Variants in CRTAC1 observed in about 807,000 individuals in gnomAD.
CRTAC1 encodes the protein acidic secreted protein in cartilage.
Under a neutral mutation model 67.8 loss-of-function variants are expected in CRTAC1, and 37 were observed. The ratio of observed to expected loss-of-function variants is 0.55; its 90% CI spans 0.42 to 0.72. The LOEUF (loss-of-function observed/expected upper bound fraction) is 0.72, where lower values mean the gene tolerates loss of function less well. CRTAC1 is among the 30% of genes least tolerant of loss of function. The pLI is 0.00. For missense variants in CRTAC1, 780 were observed against 931.6 expected, an observed-to-expected ratio of 0.84 and a Z score of 2.12; for synonymous variants, 348 against 371.0, an observed-to-expected ratio of 0.94 and a Z score of 0.71.
intron 14 of CRTAC1, chr10:97,868,252 A>T (rs2050050970): frequency 6.6e-6 from 1 of 152,286 alleles, no homozygotes; most frequent in African/African-American, 2.4e-5. Flanking sequence ...TAGAGCTGGC[A>T]GGGGATTTAA....
intron 2 of CRTAC1, among the ~76,000 whole-genome samples, chr10:97,986,715 GACA>G (rs1413908834): frequency 2.6e-5 from 4 of 152,138 alleles, no homozygotes; most frequent in African/African-American, 4.8e-5. Flanking sequence ...GCTACAAGAT[GACA>G]ACAATTTCAT....
rs555605760 is a variant in CRTAC1, at chr10:98,017,611, G to A, written c.25-6274C>T. On this transcript the variant is annotated intron_variant, in intron 1 of 14. Coordinates refer to ENST00000370597, the MANE Select transcript of CRTAC1 (RefSeq NM_018058.7). ...TGCAGTAGCATGATCATAGCTCACTGCACTCTCAAACTCCTGGGCTCAAGC... is the reference window on the plus strand; with the variant it reads ...TGCAGTAGCATGATCATAGCTCACTACACTCTCAAACTCCTGGGCTCAAGC... Among the ~76,000 whole-genome samples, 104 of 152,082 alleles carry A rather than the reference G, an allele frequency of 6.8e-4. 1 individual carries two copies. Among genetic ancestry groups the A allele is most frequent in the African/African-American group, 2.5e-3 (103 of 41,482 alleles).
In CRTAC1 at chr10:97,950,846, A is replaced by G. The variant is rs1291868578; in HGVS notation, c.225-14480T>C. Among the ~76,000 whole-genome samples, 5 of 152,212 alleles carry G rather than the reference A, an allele frequency of 3.3e-5. No individual in the cohort carries two copies. The East Asian group carries it at 7.7e-4, about 23-fold the overall frequency. ...AGATAGGACAAGGTGGAAGACAGTA[A>G]CTAGAGAGTGACACCCAGAGACCTT... is the stretch of plus-strand genomic sequence containing the variant. On this transcript the variant is annotated intron_variant, in intron 2 of 14. Transcript: ENST00000370597.
chr10:97,949,332 C>T (rs1196666580), intron 2 of CRTAC1, among the ~76,000 whole-genome samples: 1 of 152,344 alleles, frequency 6.6e-6, no homozygotes, highest in African/African-American at 2.4e-5. Context: ...ACAGACCCTG[C>T]ACCAGGAGGG....
At chr10:98,001,112 A>G (rs1176456434) in intron 2 of CRTAC1, among the ~76,000 whole-genome samples, 1 of 152,208 alleles carries the variant, frequency 6.6e-6, no homozygotes, top group Non-Finnish European at 1.5e-5. Context: ...GTTCACCAGG[A>G]AAATACAACT....
intron 4 of CRTAC1, among the ~76,000 whole-genome samples, chr10:97,918,168 G>T (rs1179844112): frequency 6.6e-6 from 1 of 152,090 alleles, no homozygotes; most frequent in Non-Finnish European, 1.5e-5. Context: ...CTCTGTTTTG[G>T]TAGCACGAGA....
chr10:98,001,351 C>A (rs576854474), intron 2 of CRTAC1, among the ~76,000 whole-genome samples: 1 of 152,074 alleles, frequency 6.6e-6, no homozygotes, highest in African/African-American at 2.4e-5. Flanking sequence ...TCTCTGTGAA[C>A]GCAAGCAGGT....
At position 97,982,155 on chromosome 10, in the gene CRTAC1, C is replaced by T. The variant is rs115082399; in HGVS notation, c.224+28983G>A. ...ACCTTATCTGATTTCATAAAAGCTT[C>T]TGACTCACTCAAATGATAGCTAGTG... On this transcript the variant is annotated intron_variant, in intron 2 of 14. Coordinates refer to ENST00000370597, the MANE Select transcript of CRTAC1 (RefSeq NM_018058.7). 3.6e-3 allele frequency among the ~76,000 whole-genome samples: 542 copies of T among 152,318 alleles called. 9 individuals carry two copies. Among genetic ancestry groups the T allele is most frequent in the African/African-American group, 0.013 (522 of 41,558 alleles).
chr10:97,936,185 TG>T lies in CRTAC1; in HGVS notation c.405del (p.Asn136IlefsTer26). ...DGREEIYFLN[T>X]NNAFSGVATY... is the part of the protein sequence containing the mutation. Reference sequence around the variant, plus strand: ...CAGCCCTTACCCGAGAAGGCATTATTGGTGTTGAGGAAGTAGATCTCCTCCC... The same window carrying T: ...CAGCCCTTACCCGAGAAGGCATTATTGTGTTGAGGAAGTAGATCTCCTCCC... On this transcript the variant is annotated frameshift_variant, in exon 3 of 15. Coordinates refer to ENST00000370597, the MANE Select transcript of CRTAC1 (RefSeq NM_018058.7). LOFTEE classifies it high-confidence loss of function. 1 of 1,610,856 alleles carries T rather than the reference TG, an allele frequency of 6.2e-7. No individual in the cohort carries two copies.
chr10:97,924,257 C>T lies in CRTAC1; in HGVS notation c.422-857G>A, dbSNP rs147322945. On this transcript the variant is annotated intron_variant, in intron 3 of 14. Coordinates refer to ENST00000370597, the MANE Select transcript of CRTAC1 (RefSeq NM_018058.7). ...ACTTGAAAGGCAGAGGTCTCTCCTC[C>T]GCCATCATCCTTAGTTAATTTCTTG... 1.5e-3 allele frequency among the ~76,000 whole-genome samples: 234 copies of T among 152,292 alleles called. 2 individuals carry two copies. Among genetic ancestry groups the T allele is most frequent in the African/African-American group, 5.0e-3 (206 of 41,534 alleles).
chr10:97,884,273 A>C lies in CRTAC1; in HGVS notation c.1565T>G (p.Met522Arg), dbSNP rs1403951121. ...MVSRNVASGE[M>R]NSVLEILYPR... is the part of the protein sequence containing the mutation. ...GTAGAGGATCTCCAGCACTGAGTTC[A>C]TCTCCCCGCTGGCCACGTTCCGGCT... The change falls in exon 12 of 15, where the codon ATG (methionine) becomes AGG (arginine). Residue 522 changes from methionine to arginine, a missense_variant. Transcript: ENST00000370597. 1.3e-6 allele frequency: 2 copies of C among 1,560,168 alleles called. No homozygotes were observed. The highest frequency in any genetic ancestry group is 1.4e-5 in the African/African-American group (1 of 73,418).
intron 14 of CRTAC1, chr10:97,878,671 C>A (rs1032696453): frequency 1.2e-5 from 16 of 1,303,852 alleles, no homozygotes; most frequent in Middle Eastern, 2.1e-4. Context: ...ATTGCAGAGA[C>A]CAAGTAGCAA....
chr10:97,948,878 GAGAGATAAGTGC>G lies in CRTAC1; in HGVS notation c.225-12524_225-12513del, dbSNP rs555185836. ...CACTTCCTTCTTCACATGGCGTCAG[GAGAGATAAGTGC>G]AGAGCAAGGAGTGGGGGAAAGCCCC... is the stretch of plus-strand genomic sequence containing the variant. On this transcript the variant is annotated intron_variant, in intron 2 of 14. Transcript: ENST00000370597. Among the ~76,000 whole-genome samples the G allele has an allele frequency of 6.9e-3, 1,044 of 152,324 alleles. 5 individuals are homozygous for G. The highest frequency in any genetic ancestry group is 0.011 in the Non-Finnish European group (779 of 68,034).
intron 5 of CRTAC1, among the ~76,000 whole-genome samples, chr10:97,913,735 A>G (rs1292377309): frequency 2.0e-5 from 3 of 151,804 alleles, no homozygotes; most frequent in Non-Finnish European, 2.9e-5. Flanking sequence ...GGAGCCTGTC[A>G]CTCCAGCCCT....
intron 5 of CRTAC1, 53 bp downstream of exon 5, chr10:97,917,447 G>A (rs2050775046): frequency 7.2e-7 from 1 of 1,388,098 alleles, no homozygotes; most frequent in Non-Finnish European, 9.5e-7. Context: ...GCAGGGCCCT[G>A]GCCCCCAGCC....
intron 14 of CRTAC1, chr10:97,867,575 A>ATGCG (rs758382833): frequency 3.3e-5 from 5 of 152,254 alleles, no homozygotes; most frequent in Admixed American, 6.5e-5. Context: ...GGAGAGCCGC[A>ATGCG]GTTCAGTGGG....
At chr10:97,900,637 C>T (rs7905014) in intron 8 of CRTAC1, among the ~76,000 whole-genome samples, 2 of 134,824 alleles carry the variant, frequency 1.5e-5, no homozygotes, top group Non-Finnish European at 3.1e-5. Context: ...GATTGGAGCC[C>T]GTAGCCCCTT....
rs1235206678 is a variant in CRTAC1, at chr10:97,865,554, G to T, written c.1980C>A (p.Ser660Arg). The change falls in exon 15 of 15, where the codon AGC (serine) becomes AGA (arginine). Residue 660 changes from serine to arginine, a missense_variant. By Grantham distance (110) the Ser-to-Arg change is moderately radical. Coordinates refer to ENST00000370597, the MANE Select transcript of CRTAC1 (RefSeq NM_018058.7). ...GSVVKESCEP[S>R]C ...GTTCATGTCCCACCCCTGCTCAGCA[G>T]CTGGGCTCGCAGCTCTCCTTAACCA... The T allele has an allele frequency of 1.2e-6, 2 of 1,607,536 alleles. No individual in the cohort carries two copies. Among genetic ancestry groups the T allele is most frequent in the Non-Finnish European group, 1.7e-6 (2 of 1,175,096 alleles).
chr10:97,936,305 C>T lies in CRTAC1; in HGVS notation c.286G>A (p.Ala96Thr), dbSNP rs768231154. The T allele has an allele frequency of 3.7e-6, 6 of 1,613,540 alleles. No individual in the cohort carries two copies. Among genetic ancestry groups the T allele is most frequent in the South Asian group, 3.3e-5 (3 of 91,038 alleles). ...DRAQKRLVNI[A>T]VDERSSPYYA... ...TAGGGTGAGCTGCGCTCATCGACCG[C>T]GATGTTCACCAGCCGCTTCTGGGCC... The change falls in exon 3 of 15, where the codon GCG becomes ACG. Residue 96 changes from alanine (A) to threonine (T), a missense_variant. Coordinates refer to ENST00000370597, the MANE Select transcript of CRTAC1 (RefSeq NM_018058.7).
Sources: allele counts gnomAD v4.1 joint callset (sites outside exome capture counted in the v4.1 genomes callset), GRCh38; gene constraint gnomAD v4.1.1; transcripts MANE v1.5; gene names NCBI Gene and HGNC (gene_info 2026-07-23, HGNC 2026-07-21).